NBR1: variants seen among roughly 807,000 people sequenced by gnomAD.
NBR1 encodes the protein next to BRCA1 gene 1 protein.
In NBR1, 59 loss-of-function variants were observed where a neutral mutation model predicts 115.5. The observed-to-expected ratio is 0.51, with a 90% CI of 0.41 to 0.63. The LOEUF is 0.63. Ranked by LOEUF, NBR1 falls within the 30% of genes least tolerant of loss-of-function variation. The pLI is 0.00. For synonymous variants in NBR1, 373 were observed against 414.7 expected (o/e 0.90, Z 1.22); for missense variants, 1,043 against 1,150.5 (o/e 0.91, Z 1.35).
At chr17:43,183,320 A>G (rs1179006057) in intron 5 of NBR1, among the ~76,000 whole-genome samples, 3 of 151,684 alleles carry the variant, frequency 2.0e-5, no homozygotes, top group Non-Finnish European at 4.4e-5. Context: ...TCCCGGGTTC[A>G]AGCAGTTCTC....
At chr17:43,182,022 C>T (rs1051863722) in intron 5 of NBR1, among the ~76,000 whole-genome samples, 1 of 147,962 alleles carries the variant, frequency 6.8e-6, no homozygotes, top group Non-Finnish European at 1.5e-5. Flanking sequence ...TGATGCCCCC[C>T]TTTTTTTTTT....
At chr17:43,174,398 C>A (rs1223383950) in intron 1 of NBR1, among the ~76,000 whole-genome samples, 1 of 152,086 alleles carries the variant, frequency 6.6e-6, no homozygotes, top group Non-Finnish European at 1.5e-5. Flanking sequence ...GAGATCGAGA[C>A]CATCCTGGCT....
intron 12 of NBR1, 38 bp from the exon 13 acceptor site, chr17:43,194,312 G>A: frequency 6.4e-7 from 1 of 1,574,640 alleles, no homozygotes; most frequent in Non-Finnish European, 8.6e-7. Context: ...CAGTTCTGTT[G>A]AAGGCCTAAA....
chr17:43,183,312 C>A (rs1230226363), intron 5 of NBR1, among the ~76,000 whole-genome samples: 2 of 151,780 alleles, frequency 1.3e-5, no homozygotes, highest in African/African-American at 4.9e-5. Flanking sequence ...CCTCCACCTC[C>A]CGGGTTCAAG....
At chr17:43,198,882 G>C (rs1427514341) in intron 16 of NBR1, among the ~76,000 whole-genome samples, 1 of 152,014 alleles carries the variant, frequency 6.6e-6, no homozygotes, top group African/African-American at 2.4e-5. Context: ...AGAATGGCGT[G>C]AACCTGGGAG....
chr17:43,195,416 C>T (rs2057043434), intron 14 of NBR1: 1 of 240,290 alleles, frequency 4.2e-6, no homozygotes, highest in Non-Finnish European at 8.1e-6. Flanking sequence ...CTTTGGGAGG[C>T]TGAGACGGGC....
chr17:43,209,977 A>G lies in NBR1; in HGVS notation c.2804A>G (p.Asn935Ser). 1.2e-6 allele frequency: 2 copies of G among 1,613,098 alleles called. No homozygotes were observed. The highest frequency in any genetic ancestry group is 1.7e-6 in the Non-Finnish European group (2 of 1,179,482). ...ATGGGATTCTGTGACAGGCAGCTGA[A>G]CCTACGGCTGCTGAAGAAACACAAT... ...FEMGFCDRQL[N>S]LRLLKKHNYN... is the part of the protein sequence containing the mutation. The change falls in exon 21 of 21, where the codon AAC (asparagine) becomes AGC (serine). Residue 935 changes from asparagine to serine, a missense_variant. Asn to Ser is a conservative substitution (Grantham distance 46). Transcript: ENST00000590996.
chr17:43,201,280 T>A (rs2057191905), intron 17 of NBR1, among the ~76,000 whole-genome samples: 1 of 152,184 alleles, frequency 6.6e-6, no homozygotes, highest in Non-Finnish European at 1.5e-5. Flanking sequence ...GGAAGTTAAA[T>A]CCATTATGGG....
chr17:43,192,265 G>T (rs981828670), intron 10 of NBR1, among the ~76,000 whole-genome samples: 1 of 151,848 alleles, frequency 6.6e-6, no homozygotes, highest in Non-Finnish European at 1.5e-5. Context: ...TCATGAATCC[G>T]CCCGCCTTGG....
rs1380549668 is a variant in NBR1, at chr17:43,200,263, A to T, written c.2123A>T (p.Glu708Val). ...EEAVMEEEED[E>V]EDEEEEDELK... ...GCTGTCATGGAGGAGGAGGAGGATG[A>T]GGAGGATGAGGAGGAGGAGGATGAG... is the stretch of plus-strand genomic sequence containing the variant. Residue 708 changes from glutamate to valine, a missense_variant, in exon 17 of 21, where the codon GAG (glutamate) becomes GTG (valine). Transcript: ENST00000590996. The T allele has an allele frequency of 7.1e-6, 11 of 1,551,480 alleles. No individual in the cohort carries two copies. The Admixed American group carries it at 1.4e-4, about 19-fold the overall frequency.
At chr17:43,177,341 C>T (rs2056543106) in intron 2 of NBR1, among the ~76,000 whole-genome samples, 1 of 146,052 alleles carries the variant, frequency 6.8e-6, no homozygotes, top group South Asian at 2.2e-4. Context: ...AGATATCCAT[C>T]TATACACATA....
intron 14 of NBR1, chr17:43,195,804 G>A (rs36116919): frequency 0.3 from 45,739 of 151,478 alleles, 7,404 homozygotes; most frequent in South Asian, 0.49. Context: ...CTGGATGACA[G>A]AGTGAAACCC....
Position 43,209,884 on chromosome 17 carries a change from T to G in NBR1, c.2728-17T>G, listed in dbSNP as rs373206547. 31 of 1,467,578 alleles carry G rather than the reference T, an allele frequency of 2.1e-5. No individual in the cohort carries two copies. Among genetic ancestry groups the G allele is most frequent in the African/African-American group, 2.9e-5 (2 of 69,418 alleles). The allele number at this position is 1,467,578 out of a possible 1,614,324, so 90.9% of individuals were successfully genotyped here. ...AGAATTTTTTTTTTTTTTTTTGCTT[T>G]GCTTGTCTCTACACAGCCAATAATT... On this transcript the variant is annotated splice_polypyrimidine_tract_variant and intron_variant, in intron 20 of 20. Transcript: ENST00000590996.
At chr17:43,180,573 A>C (rs2056638153) in intron 4 of NBR1, among the ~76,000 whole-genome samples, 1 of 152,140 alleles carries the variant, frequency 6.6e-6, no homozygotes, top group African/African-American at 2.4e-5. Context: ...GCCATAATCT[A>C]CTCATTTAGC....
At chr17:43,177,620 C>CACAG (rs1330894405) in intron 2 of NBR1, among the ~76,000 whole-genome samples, 31 of 141,688 alleles carry the variant, frequency 2.2e-4, no homozygotes, top group African/African-American at 7.4e-4. Flanking sequence ...CACACACACA[C>CACAG]AGTTTGGTAT....
At chr17:43,197,166 C>T (rs1381914276) in intron 16 of NBR1, 60 bp downstream of exon 16, 4 of 1,478,864 alleles carry the variant, frequency 2.7e-6, no homozygotes, top group Non-Finnish European at 2.8e-6. Flanking sequence ...GACTGCCAGA[C>T]TTGACTAGTT....
chr17:43,190,261 G>C (rs1223349176), intron 8 of NBR1: 1 of 325,540 alleles, frequency 3.1e-6, no homozygotes, highest in Non-Finnish European at 5.9e-6. Flanking sequence ...TTTGGAGATG[G>C]GGTCTCCCTA....
intron 10 of NBR1, among the ~76,000 whole-genome samples, chr17:43,192,129 TC>T (rs2056963189): frequency 6.6e-6 from 1 of 150,718 alleles, no homozygotes; most frequent in African/African-American, 2.4e-5. Context: ...CAAGTGATTC[TC>T]CTGCCTCAGC....
At position 43,202,195 on chromosome 17, in the gene NBR1, A is replaced by AC. The variant is rs1197053828; in HGVS notation, c.2563+415_2563+416insC. On this transcript the variant is annotated intron_variant, in intron 18 of 20. Transcript: ENST00000590996. ...ACTCCGTCTGAAAAAAAAAAAAAAA[A>AC]AACTTGCCCTTCACTCTCTCCATGC... 1.1e-4 allele frequency among the ~76,000 whole-genome samples: 17 copies of AC among 150,824 alleles called. 1 individual carries two copies. In the South Asian group the frequency reaches 3.4e-3, roughly 30 times the overall value.
Sources: gnomAD v4.1 joint callset for allele counts (sites outside exome capture counted in the v4.1 genomes callset) on GRCh38, gnomAD v4.1.1 for gene constraint, MANE v1.5 for transcripts, NCBI Gene and HGNC (gene_info 2026-07-23, HGNC 2026-07-21) for gene names.